The following MAGI1 variants were observed in gnomAD, a reference collection of about 807,000 sequenced individuals.
The protein encoded by MAGI1 is membrane associated guanylate kinase, WW and PDZ domain containing 1.
MAGI1 carries 58 observed loss-of-function variants against 139.9 expected under a neutral mutation model. The ratio of observed to expected loss-of-function variants is 0.41; its 90% CI spans 0.34 to 0.52. The LOEUF is 0.52. Among genes scored for constraint, MAGI1 ranks in the 20% least tolerant of loss-of-function variants. MAGI1 has a pLI of 0.12. For missense variants in MAGI1, 1,874 were observed against 1,901.6 expected, an observed-to-expected ratio of 0.99 and a Z score of 0.27; for synonymous variants, 812 against 737.9, an observed-to-expected ratio of 1.10 and a Z score of -1.63.
At chr3:65,481,962 A>T (rs1001440404) in intron 3 of MAGI1, among the ~76,000 whole-genome samples, 12 of 152,250 alleles carry the variant, frequency 7.9e-5, no homozygotes, top group Admixed American at 2.6e-4. Context: ...AATTAGTTTA[A>T]CATTGAATGG....
In MAGI1 at chr3:65,669,938, C is replaced by A. The variant is rs563666783; in HGVS notation, c.314-47850G>T. On this transcript the variant is annotated intron_variant, in intron 1 of 22. Coordinates refer to ENST00000402939, the MANE Select transcript of MAGI1 (RefSeq NM_001033057.2). ...CTTGCAAATTGATGTGGATGGTCTG[C>A]CACTGTGGGCTTCATCTTCAACATC... Among the ~76,000 whole-genome samples the A allele has an allele frequency of 3.3e-5, 5 of 152,244 alleles. No individual in the cohort carries two copies. The East Asian group carries it at 9.6e-4, about 29-fold the overall frequency.
At chr3:65,647,754 T>C (rs907956790) in intron 1 of MAGI1, among the ~76,000 whole-genome samples, 2 of 152,130 alleles carry the variant, frequency 1.3e-5, no homozygotes, top group African/African-American at 4.8e-5. Context: ...TTCCATTCTT[T>C]ATGTGAAATT....
chr3:66,036,048 T>C (rs1265803945), intron 1 of MAGI1, among the ~76,000 whole-genome samples: 1 of 152,152 alleles, frequency 6.6e-6, no homozygotes, highest in African/African-American at 2.4e-5. Context: ...CTGTCCTTCC[T>C]CCACCCTTTC....
chr3:65,588,864 T>C (rs1047691657), intron 2 of MAGI1, among the ~76,000 whole-genome samples: 2 of 152,192 alleles, frequency 1.3e-5, no homozygotes, highest in Non-Finnish European at 2.9e-5. Flanking sequence ...GCTCCATCAT[T>C]TGATTATCGG....
chr3:65,916,315 C>T (rs994297439), intron 1 of MAGI1, among the ~76,000 whole-genome samples: 1 of 151,984 alleles, frequency 6.6e-6, no homozygotes, highest in African/African-American at 2.4e-5. Flanking sequence ...GTGATCTTCC[C>T]GTCTCAGCCA....
intron 1 of MAGI1, among the ~76,000 whole-genome samples, chr3:65,893,326 C>T (rs1426245356): frequency 6.6e-6 from 1 of 151,544 alleles, no homozygotes; most frequent in Non-Finnish European, 1.5e-5. Context: ...ATTTACTATT[C>T]ATTTTTCTTT....
At chr3:65,499,687 G>A (rs2077009088) in intron 2 of MAGI1, among the ~76,000 whole-genome samples, 1 of 152,078 alleles carries the variant, frequency 6.6e-6, no homozygotes, top group Non-Finnish European at 1.5e-5. Flanking sequence ...AATGTGCACT[G>A]AAGTGATATA....
chr3:65,831,185 T>G (rs955227477), intron 1 of MAGI1, among the ~76,000 whole-genome samples: 2 of 152,190 alleles, frequency 1.3e-5, no homozygotes, highest in African/African-American at 4.8e-5. Flanking sequence ...ACCAGCACAT[T>G]ACTCTGCAAC....
chr3:66,018,998 A>G (rs2067823181), intron 1 of MAGI1, among the ~76,000 whole-genome samples: 1 of 152,122 alleles, frequency 6.6e-6, no homozygotes, highest in Non-Finnish European at 1.5e-5. Flanking sequence ...TGCCATCTTG[A>G]TTGGTTCATT....
intron 1 of MAGI1, among the ~76,000 whole-genome samples, chr3:65,757,444 C>T (rs762507777): frequency 2.0e-5 from 3 of 152,184 alleles, no homozygotes; most frequent in Non-Finnish European, 2.9e-5. Flanking sequence ...TCAAGACCAG[C>T]CTGGCCAACA....
At chr3:65,911,919 T>G (rs1033477732) in intron 1 of MAGI1, among the ~76,000 whole-genome samples, 3 of 152,168 alleles carry the variant, frequency 2.0e-5, no homozygotes, top group Non-Finnish European at 4.4e-5. Flanking sequence ...GTTATCCCAT[T>G]TGGAGGATAA....
At chr3:65,991,564 A>ACTAC (rs554217347) in intron 1 of MAGI1, among the ~76,000 whole-genome samples, 228 of 152,302 alleles carry the variant, frequency 1.5e-3, no homozygotes, top group African/African-American at 5.1e-3. Context: ...ATGCAAGCAG[A>ACTAC]CTACCTCCTG....
intron 21 of MAGI1, among the ~76,000 whole-genome samples, chr3:65,362,726 G>A (rs760693519): frequency 4.6e-5 from 7 of 151,968 alleles, no homozygotes. Flanking sequence ...TCCTTTCCTG[G>A]CCTGACTGTC....
At chr3:66,031,236 T>A (rs1213859127) in intron 1 of MAGI1, among the ~76,000 whole-genome samples, 1 of 152,230 alleles carries the variant, frequency 6.6e-6, no homozygotes, top group African/African-American at 2.4e-5. Flanking sequence ...AATCAGTATA[T>A]CCTGTTACTT....
intron 2 of MAGI1, among the ~76,000 whole-genome samples, chr3:65,507,840 G>C (rs2077363113): frequency 6.6e-6 from 1 of 152,012 alleles, no homozygotes; most frequent in African/African-American, 2.4e-5. Flanking sequence ...ATGAGTCATA[G>C]AAATTATTTT....
rs12638516 is a variant in MAGI1 at position 65,762,202 on chromosome 3, G to A, written c.314-140114C>T. Among the ~76,000 whole-genome samples the A allele has an allele frequency of 1.3e-3, 203 of 152,252 alleles. 5 individuals carry two copies. The East Asian group carries it at 0.034, about 26-fold the overall frequency. ...GTCTATGAACAATCACAGCTCAAGT[G>A]GTTCCTTTCCCCCTCCAACGAGAAT... On this transcript the variant is annotated intron_variant, in intron 1 of 22. Coordinates refer to ENST00000402939, the MANE Select transcript of MAGI1 (RefSeq NM_001033057.2).
In MAGI1 at chr3:65,360,037, T is replaced by C. The variant is rs1025598734; in HGVS notation, c.3634+1162A>G. On this transcript the variant is annotated intron_variant, in intron 22 of 22. Transcript: ENST00000402939. ...TGGTTGGCCATGTCTATAGGGGCCT[T>C]GTCTAATACCCACCCTCCCCCTGTA... The C allele has an allele frequency of 5.1e-6, 5 of 985,282 alleles. No homozygotes were observed. In the African/African-American group the frequency reaches 7.0e-5, roughly 14 times the overall value. 61.0% of individuals were successfully genotyped at this position (985,282 alleles called of 1,614,324 possible).
chr3:65,495,531 A>C (rs1350524939), intron 2 of MAGI1, among the ~76,000 whole-genome samples: 1 of 152,210 alleles, frequency 6.6e-6, no homozygotes, highest in Non-Finnish European at 1.5e-5. Flanking sequence ...CATGCCAGGC[A>C]CTGGGAAAAC....
intron 17 of MAGI1, among the ~76,000 whole-genome samples, chr3:65,377,700 CAAAACCAA>C (rs989644840): frequency 9.9e-5 from 15 of 152,146 alleles, no homozygotes; most frequent in Non-Finnish European, 1.6e-4. Context: ...AATTTTAAAA[CAAAACCAA>C]AAAACCTTGC....
Sources: allele counts gnomAD v4.1 joint callset (sites outside exome capture counted in the v4.1 genomes callset), GRCh38; gene constraint gnomAD v4.1.1; transcripts MANE v1.5; gene names NCBI Gene and HGNC (gene_info 2026-07-23, HGNC 2026-07-21).